The following NDST1 variants were observed in gnomAD, a reference collection of about 807,000 sequenced individuals.
NDST1 encodes bifunctional heparan sulfate N-deacetylase/N-sulfotransferase 1.
A neutral mutation model predicts 92.8 loss-of-function variants in NDST1; 35 were observed. That is an observed-to-expected ratio of 0.38 (90% CI 0.29 to 0.50). The LOEUF (loss-of-function observed/expected upper bound fraction) is 0.50. Among genes scored for constraint, NDST1 ranks in the 20% least tolerant of loss-of-function variants. NDST1 has a pLI of 0.94. For missense variants in NDST1, 822 were observed against 1,182.7 expected, an observed-to-expected ratio of 0.69 and a Z score of 4.47; for synonymous variants, 493 against 500.3, an observed-to-expected ratio of 0.99 and a Z score of 0.19.
At chr5:150,543,885 TTC>T (rs1755357958) in intron 10 of NDST1, among the ~76,000 whole-genome samples, 1 of 152,156 alleles carries the variant, frequency 6.6e-6, no homozygotes, top group African/African-American at 2.4e-5. Context: ...GTTCAAGTGA[TTC>T]TCCTGCTTCA....
chr5:150,528,007 G>A lies in NDST1; in HGVS notation c.717G>A (p.Leu239=). Residue 239 remains leucine, a synonymous_variant, in exon 3 of 15, where the codon CTG becomes CTA. Coordinates refer to ENST00000261797, the MANE Select transcript of NDST1 (RefSeq NM_001543.5). ...ATCACTCCACCTATGAGCCAGTGCT[G>A]CTGGCCAAGACGCGCTCGTCTGAGT... ...QSNHSTYEPV[L]LAKTRSSESI... is the part of the protein sequence containing the mutation. The A allele has an allele frequency of 6.2e-7, 1 of 1,613,760 alleles. No homozygotes were observed. The highest frequency in any genetic ancestry group is 2.2e-5 in the East Asian group (1 of 44,888).
intron 3 of NDST1, among the ~76,000 whole-genome samples, chr5:150,529,164 G>GGA (rs1425942958): frequency 3.9e-5 from 6 of 152,062 alleles, no homozygotes; most frequent in Non-Finnish European, 7.4e-5. Context: ...AGCCAAGGGA[G>GGA]GAGGATTGCT....
chr5:150,500,559 C>T (rs574386889), intron 1 of NDST1, among the ~76,000 whole-genome samples: 7 of 152,294 alleles, frequency 4.6e-5, no homozygotes, highest in Admixed American at 3.9e-4. Context: ...CAGTCCTGGC[C>T]CCACCCTAGC....
chr5:150,539,603 C>T (rs974182052), intron 7 of NDST1: 78 of 1,388,914 alleles, frequency 5.6e-5, no homozygotes, highest in Non-Finnish European at 6.9e-5. Context: ...CATTTTTATG[C>T]ATGTTCCCTT....
intron 1 of NDST1, among the ~76,000 whole-genome samples, chr5:150,518,623 A>G (rs774331159): frequency 2.0e-5 from 3 of 152,200 alleles, no homozygotes; most frequent in Non-Finnish European, 4.4e-5. Flanking sequence ...TATGCACAAA[A>G]ATATTTAACT....
intron 14 of NDST1, 67 bp downstream of exon 14, chr5:150,551,922 G>T: frequency 6.3e-7 from 1 of 1,590,980 alleles, no homozygotes; most frequent in Non-Finnish European, 8.6e-7. Flanking sequence ...GGAGTTGAGG[G>T]GGATTCTCTT....
intron 2 of NDST1, among the ~76,000 whole-genome samples, chr5:150,522,346 A>G (rs1383300181): frequency 2.6e-5 from 4 of 151,828 alleles, no homozygotes; most frequent in African/African-American, 4.8e-5. Flanking sequence ...CCACTGGCAG[A>G]TGGGGAGCTG....
chr5:150,545,991 CTTTTTTT>C (rs34937690), intron 11 of NDST1, among the ~76,000 whole-genome samples: 33 of 83,692 alleles, frequency 3.9e-4, no homozygotes, highest in African/African-American at 1.4e-3. Context: ...CCAGAGCTGT[CTTTTTTT>C]TTTTTTTTTT....
At chr5:150,534,045 T>C (rs1754868894) in intron 4 of NDST1, among the ~76,000 whole-genome samples, 2 of 149,530 alleles carry the variant, frequency 1.3e-5, no homozygotes, top group South Asian at 4.4e-4. Context: ...ATCGCACAAC[T>C]GTACTCCTGC....
In NDST1 at chr5:150,553,907, C is replaced by T. The variant is rs559029497; in HGVS notation, c.*575C>T. ...TCTGGTTCCTACCTTCACATCTCAC[C>T]CTCCCGTTCTGGGGAAGAATTTCTG... On this transcript the variant is annotated 3_prime_UTR_variant, in exon 15 of 15. Coordinates refer to ENST00000261797, the MANE Select transcript of NDST1 (RefSeq NM_001543.5). This position sits in a 1 kb window ranked among gnomAD's most constrained non-coding sequence, Gnocchi z 4.2. 205 of 422,740 alleles carry T rather than the reference C, an allele frequency of 4.8e-4. 2 individuals are homozygous for T. In the South Asian group the frequency reaches 0.015, roughly 32 times the overall value. 26.2% of individuals were successfully genotyped at this position (422,740 alleles called of 1,614,324 possible).
intron 13 of NDST1, among the ~76,000 whole-genome samples, chr5:150,550,105 C>CTT (rs11365752): frequency 3.6e-5 from 5 of 138,960 alleles, no homozygotes; most frequent in Non-Finnish European, 3.1e-5. Context: ...TTAGCATTAG[C>CTT]TTTTTTTTTT....
At chr5:150,499,330 T>A (rs1004681757) in intron 1 of NDST1, among the ~76,000 whole-genome samples, 1 of 152,216 alleles carries the variant, frequency 6.6e-6, no homozygotes, top group African/African-American at 2.4e-5. Flanking sequence ...AGGTGAGGCA[T>A]GTACACTTCA....
Position 150,553,166 on chromosome 5 carries a change from C to G in NDST1, c.2530-47C>G. 6.2e-7 allele frequency: 1 copy of G among 1,600,428 alleles called. No homozygotes were observed. Among genetic ancestry groups the G allele is most frequent in the Non-Finnish European group, 8.5e-7 (1 of 1,170,844 alleles). ...GAGCATGGCGATTTTTAGAGGAGGT[C>G]ACTCTTAAGTCAGTACACAAGGTCT... On this transcript the variant is annotated intron_variant, in intron 14 of 14. Coordinates refer to ENST00000261797, the MANE Select transcript of NDST1 (RefSeq NM_001543.5). This position sits in a 1 kb window ranked among gnomAD's most constrained non-coding sequence, Gnocchi z 4.2.
intron 1 of NDST1, among the ~76,000 whole-genome samples, chr5:150,520,062 T>A (rs1448957782): frequency 1.3e-5 from 2 of 152,132 alleles, no homozygotes; most frequent in African/African-American, 4.8e-5. Flanking sequence ...GGCTGCTGTG[T>A]GCACCTGTGG....
chr5:150,528,124 C>T lies in NDST1; in HGVS notation c.834C>T (p.Arg278=), dbSNP rs376056556. 2.5e-5 allele frequency: 40 copies of T among 1,614,094 alleles called. No homozygotes were observed. The highest frequency in any genetic ancestry group is 3.3e-4 in the Middle Eastern group (2 of 6,084). ...QDLGLHDGIQ[R]VLFGNNLNFW... Reference sequence around the variant, plus strand: ...TGGGCCTGCACGACGGCATCCAGCGCGTGCTGTTTGGCAACAACCTGAACT... The same window carrying T: ...TGGGCCTGCACGACGGCATCCAGCGTGTGCTGTTTGGCAACAACCTGAACT... Residue 278 remains arginine (R), a synonymous_variant, in exon 3 of 15, where the codon CGC becomes CGT. Transcript: ENST00000261797.
At chr5:150,527,673 A>G in intron 2 of NDST1, 131 bp from the exon 3 acceptor site, 1 of 1,319,066 alleles carries the variant, frequency 7.6e-7, no homozygotes, top group Non-Finnish European at 1.1e-6. Context: ...GCGCAGGGCC[A>G]GGGTGGTGAG....
chr5:150,545,425 C>A lies in NDST1; in HGVS notation c.2084C>A (p.Pro695His), dbSNP rs1755435467. Residue 695 changes from proline (P) to histidine (H), a missense_variant, in exon 11 of 15, where the codon CCC (proline) becomes CAC (histidine). Coordinates refer to ENST00000261797, the MANE Select transcript of NDST1 (RefSeq NM_001543.5). ...VAPRRAAALLPKAKVLTILIN... is the reference protein window; with the variant it reads ...VAPRRAAALLHKAKVLTILIN... Reference sequence around the variant, plus strand: ...CCCCGGCGGGCAGCAGCCCTCTTGCCCAAAGCCAAGGTCCTGACCATCCTC... The same window carrying A: ...CCCCGGCGGGCAGCAGCCCTCTTGCACAAAGCCAAGGTCCTGACCATCCTC... 6.2e-7 allele frequency: 1 copy of A among 1,614,130 alleles called. No individual in the cohort carries two copies. Among genetic ancestry groups the A allele is most frequent in the African/African-American group, 1.3e-5 (1 of 74,944 alleles).
intron 1 of NDST1, among the ~76,000 whole-genome samples, chr5:150,502,249 G>A (rs1378290625): frequency 1.3e-5 from 2 of 152,174 alleles, no homozygotes; most frequent in Non-Finnish European, 2.9e-5. Context: ...GAGAGGTTGG[G>A]CGAGTCAGTG....
intron 1 of NDST1, among the ~76,000 whole-genome samples, chr5:150,502,212 T>C (rs1753263450): frequency 6.6e-6 from 1 of 151,880 alleles, no homozygotes; most frequent in Admixed American, 6.6e-5. Context: ...GATGACTAGC[T>C]GGGAGGCTGC....
Sources: gnomAD v4.1 joint callset for allele counts (sites outside exome capture counted in the v4.1 genomes callset) on GRCh38, gnomAD v4.1.1 for gene constraint, Gnocchi (gnomAD v3.1) non-coding constraint, MANE v1.5 for transcripts, NCBI Gene and HGNC (gene_info 2026-07-23, HGNC 2026-07-21) for gene names.